HHAT: variants seen among roughly 807,000 people sequenced by gnomAD.
HHAT encodes the protein hedgehog acyltransferase, also known as protein-cysteine N-palmitoyltransferase HHAT.
HHAT carries 47 observed loss-of-function variants against 70.8 expected under a neutral mutation model. That is an observed-to-expected ratio of 0.66 (90% CI 0.53 to 0.85). HHAT has a LOEUF of 0.85. Ranked by LOEUF, HHAT falls within the 40% of genes least tolerant of loss-of-function variation. The probability of loss-of-function intolerance (pLI) is 0.00; values close to 1 mark genes in which losing one functional copy is unlikely to be tolerated. For synonymous variants in HHAT, 228 were observed against 247.6 expected, an observed-to-expected ratio of 0.92 and a Z score of 0.74; for missense variants, 609 against 604.8, an observed-to-expected ratio of 1.01 and a Z score of -0.07.
intron 9 of HHAT, among the ~76,000 whole-genome samples, chr1:210,559,114 A>G (rs973341869): frequency 3.3e-5 from 5 of 152,254 alleles, no homozygotes; most frequent in African/African-American, 9.6e-5. Context: ...ATGAAGACTT[A>G]TAAGGCAGAA....
intron 3 of HHAT, among the ~76,000 whole-genome samples, chr1:210,367,036 A>G (rs955954836): frequency 8.5e-5 from 13 of 152,232 alleles, no homozygotes; most frequent in Admixed American, 7.2e-4. Context: ...AGCCAGACAG[A>G]CAACATTCCT....
chr1:210,443,684 T>A, intron 7 of HHAT, among the ~76,000 whole-genome samples: 1 of 29,268 alleles, frequency 3.4e-5, no homozygotes, highest in African/African-American at 1.0e-4. Flanking sequence ...GTGATTTTTG[T>A]ACATTGATTT....
At chr1:210,390,417 A>G (rs2091379233) in intron 4 of HHAT, among the ~76,000 whole-genome samples, 1 of 152,228 alleles carries the variant, frequency 6.6e-6, no homozygotes, top group Non-Finnish European at 1.5e-5. Flanking sequence ...TATTAGGAAG[A>G]TATTAAAACT....
chr1:210,380,754 T>A (rs1387919555), intron 3 of HHAT, among the ~76,000 whole-genome samples: 1 of 152,006 alleles, frequency 6.6e-6, no homozygotes, highest in Non-Finnish European at 1.5e-5. Context: ...GTGATGGTTT[T>A]TCCAAATAGA....
At chr1:210,518,254 C>G (rs769717380) in intron 9 of HHAT, among the ~76,000 whole-genome samples, 2 of 152,124 alleles carry the variant, frequency 1.3e-5, no homozygotes, top group Non-Finnish European at 2.9e-5. Flanking sequence ...CTCTCTACCC[C>G]CTCTATGGTA....
intron 4 of HHAT, among the ~76,000 whole-genome samples, chr1:210,399,531 C>T (rs1294518945): frequency 6.6e-6 from 1 of 152,020 alleles, no homozygotes. Context: ...TGGGATATCC[C>T]AGTTTTATAT....
At chr1:210,530,166 A>G (rs1403031906) in intron 9 of HHAT, among the ~76,000 whole-genome samples, 1 of 152,192 alleles carries the variant, frequency 6.6e-6, no homozygotes, top group Non-Finnish European at 1.5e-5. Flanking sequence ...CATAGGATTT[A>G]TGGGAAAAAT....
chr1:210,444,539 A>C (rs1572484186), intron 7 of HHAT, among the ~76,000 whole-genome samples: 1 of 149,458 alleles, frequency 6.7e-6, no homozygotes, highest in Non-Finnish European at 1.5e-5. Flanking sequence ...TTATTGGTCT[A>C]TTCAGAGATT....
chr1:210,362,156 T>C (rs895951017), intron 2 of HHAT, among the ~76,000 whole-genome samples: 1 of 152,218 alleles, frequency 6.6e-6, no homozygotes, highest in African/African-American at 2.4e-5. Context: ...ATTATATGAC[T>C]ATTTTATTAT....
chr1:210,506,785 G>T (rs910079017), intron 8 of HHAT, among the ~76,000 whole-genome samples: 11 of 152,200 alleles, frequency 7.2e-5, no homozygotes, highest in African/African-American at 2.7e-4. Flanking sequence ...AGAGCAGACA[G>T]AAGCATTGGT....
chr1:210,606,943 C>T (rs1176809717), intron 10 of HHAT, among the ~76,000 whole-genome samples: 1 of 152,110 alleles, frequency 6.6e-6, no homozygotes, highest in East Asian at 1.9e-4. Flanking sequence ...CGAACATCTT[C>T]GGTATATATC....
chr1:210,582,452 G>T (rs768526495), intron 9 of HHAT, among the ~76,000 whole-genome samples: 2 of 152,140 alleles, frequency 1.3e-5, no homozygotes, highest in African/African-American at 2.4e-5. Context: ...TTCATACTTT[G>T]TTGGGGTCTG....
chr1:210,361,319 C>G (rs1369103624), intron 2 of HHAT, among the ~76,000 whole-genome samples: 1 of 152,192 alleles, frequency 6.6e-6, no homozygotes, highest in South Asian at 2.1e-4. Flanking sequence ...GTGCAACACG[C>G]AAATAGGTGC....
chr1:210,622,036 C>T (rs1668946937), intron 10 of HHAT, among the ~76,000 whole-genome samples: 1 of 152,122 alleles, frequency 6.6e-6, no homozygotes, highest in African/African-American at 2.4e-5. Context: ...ATTCATTTCT[C>T]TAGATGGAGA....
chr1:210,457,500 T>TAC (rs2093894765), intron 7 of HHAT, among the ~76,000 whole-genome samples: 1 of 152,000 alleles, frequency 6.6e-6, no homozygotes, highest in African/African-American at 2.4e-5. Context: ...CACAGGGGCA[T>TAC]AAGCTGGTAC....
chr1:210,406,465 C>T (rs2092334448), intron 6 of HHAT, among the ~76,000 whole-genome samples: 1 of 151,608 alleles, frequency 6.6e-6, no homozygotes, highest in Non-Finnish European at 1.5e-5. Flanking sequence ...GTAATCTCAG[C>T]TTACTGCAAC....
At chr1:210,460,174 T>G (rs7555818) in intron 7 of HHAT, among the ~76,000 whole-genome samples, 18,063 of 152,168 alleles carry the variant, frequency 0.12, 1,171 homozygotes, top group Middle Eastern at 0.18. Context: ...CCTTTGGAAT[T>G]AGGACAGCAT....
Position 210,537,029 on chromosome 1 carries a change from T to TAA in HHAT, c.1043+23851_1043+23852dup, listed in dbSNP as rs575562863. 2.8e-3 allele frequency among the ~76,000 whole-genome samples: 409 copies of TAA among 144,244 alleles called. 1 individual carries two copies. Among genetic ancestry groups the TAA allele is most frequent in the African/African-American group, 0.01 (395 of 39,466 alleles). The allele number at this position is 144,244 out of a possible 152,430, so 94.6% of individuals were successfully genotyped here. The stretch of plus-strand genomic sequence containing the variant: ...TTTGAACTGTACCTAAAAGAAGGTG[T>TAA]AAAAAAAAAAAGGTGGCTATAGGGC... On this transcript the variant is annotated intron_variant, in intron 9 of 11. Transcript: ENST00000261458.
chr1:210,668,509 C>G (rs1447584783), intron 11 of HHAT, among the ~76,000 whole-genome samples: 2 of 152,208 alleles, frequency 1.3e-5, no homozygotes, highest in African/African-American at 4.8e-5. Flanking sequence ...CGCACATGCT[C>G]TCTTGCCTGC....
Sources: gnomAD v4.1 joint callset for allele counts (sites outside exome capture counted in the v4.1 genomes callset) on GRCh38, gnomAD v4.1.1 for gene constraint, MANE v1.5 for transcripts, NCBI Gene and HGNC (gene_info 2026-07-23, HGNC 2026-07-21) for gene names.